Variants in SLC25A20 observed in about 807,000 individuals in gnomAD.
SLC25A20 encodes the protein mitochondrial carnitine/acylcarnitine carrier protein.
SLC25A20 carries 29 observed loss-of-function variants against 39.7 expected under a neutral mutation model. The ratio of observed to expected loss-of-function variants is 0.73; its 90% CI spans 0.54 to 1.00. The LOEUF is 1.00. Among genes scored for constraint, SLC25A20 ranks in the 50% least tolerant of loss-of-function variants. The probability of loss-of-function intolerance (pLI) is 0.00; values close to 1 mark genes in which losing one functional copy is unlikely to be tolerated. For missense variants in SLC25A20, 333 were observed against 379.9 expected (o/e 0.88, Z 1.03); for synonymous variants, 103 against 142.2 (o/e 0.72, Z 1.96).
chr3:48,873,283 G>A, intron 4 of SLC25A20, among the ~76,000 whole-genome samples: 1 of 151,888 alleles, frequency 6.6e-6, no homozygotes, highest in East Asian at 1.9e-4. Flanking sequence ...ACTTTGGGAG[G>A]CCAAGGCAGG....
intron 3 of SLC25A20, among the ~76,000 whole-genome samples, chr3:48,880,430 C>T (rs1367435762): frequency 6.6e-6 from 1 of 151,672 alleles, no homozygotes; most frequent in African/African-American, 2.4e-5. Context: ...GAACCTGCCA[C>T]CACACCCAGC....
At chr3:48,888,207 GAAAAAAAAAA>G (rs751937375) in intron 2 of SLC25A20, among the ~76,000 whole-genome samples, 1 of 44,242 alleles carries the variant, frequency 2.3e-5, no homozygotes, top group Non-Finnish European at 4.5e-5. Context: ...ACTCCATCTC[GAAAAAAAAAA>G]AAAAAAAAAA....
chr3:48,873,438 G>A (rs536463318), intron 4 of SLC25A20, among the ~76,000 whole-genome samples: 4 of 149,474 alleles, frequency 2.7e-5, no homozygotes, highest in Non-Finnish European at 5.9e-5. Flanking sequence ...GTGAAACCCC[G>A]TCTCTACTGC....
chr3:48,876,981 A>G, intron 4 of SLC25A20, among the ~76,000 whole-genome samples: 1 of 151,942 alleles, frequency 6.6e-6, no homozygotes, highest in Non-Finnish European at 1.5e-5. Flanking sequence ...CTGTAGTCCC[A>G]CCTACTAGGG....
Position 48,857,143 on chromosome 3 carries a change from A to C in SLC25A20, c.*567T>G, listed in dbSNP as rs2083585851. ...ATTATTTGCAGGCATAAAAAAAAAA[A>C]ATCAAAATCCAACGATTAACAGTCT... On this transcript the variant is annotated 3_prime_UTR_variant, in exon 9 of 9. Transcript: ENST00000319017. The C allele has an allele frequency of 6.4e-6, 1 of 155,068 alleles. No individual in the cohort carries two copies. The highest frequency in any genetic ancestry group is 1.4e-5 in the Non-Finnish European group (1 of 69,776). The allele number at this position is 155,068 out of a possible 1,614,324, so 9.6% of individuals were successfully genotyped here. A position where few individuals can be genotyped will look rare whatever the true frequency, so the allele number is the denominator to read the frequency against.
chr3:48,868,480 G>A (rs1342596034), intron 4 of SLC25A20, among the ~76,000 whole-genome samples: 1 of 152,024 alleles, frequency 6.6e-6, no homozygotes, highest in Non-Finnish European at 1.5e-5. Flanking sequence ...AAAAAACTCT[G>A]GATGTTATAT....
At chr3:48,859,470 C>T (rs765731514) in intron 6 of SLC25A20, 85 bp downstream of exon 6, 32 of 1,149,084 alleles carry the variant, frequency 2.8e-5, no homozygotes, top group Non-Finnish European at 4.2e-5. Context: ...GGAACAACAA[C>T]TACTTCTGCT....
In SLC25A20 at chr3:48,875,261, C is replaced by A. The variant is rs183028008; in HGVS notation, c.417+4097G>T. ...GGGATTACAGACGCCTGCTACCACA[C>A]CTGGCTAATTTTTGTATTTTTCGTA... On this transcript the variant is annotated intron_variant, in intron 4 of 8. Transcript: ENST00000319017. Among the ~76,000 whole-genome samples the A allele has an allele frequency of 1.1e-4, 16 of 151,660 alleles. No individual in the cohort carries two copies. In the East Asian group the frequency reaches 2.4e-3, roughly 22 times the overall value.
chr3:48,858,111 G>A (rs1267847395), intron 8 of SLC25A20, among the ~76,000 whole-genome samples: 1 of 151,944 alleles, frequency 6.6e-6, no homozygotes, highest in African/African-American at 2.4e-5. Context: ...GGGATTACAG[G>A]CACCCGCCAC....
intron 2 of SLC25A20, among the ~76,000 whole-genome samples, chr3:48,889,074 G>A (rs1464214388): frequency 6.7e-6 from 1 of 150,344 alleles, no homozygotes; most frequent in Non-Finnish European, 1.5e-5. Flanking sequence ...TGGACAACAA[G>A]AGCAAAACTC....
intron 6 of SLC25A20, 142 bp downstream of exon 6, chr3:48,859,413 G>T (rs2083605788): frequency 2.3e-6 from 2 of 867,818 alleles, no homozygotes; most frequent in Non-Finnish European, 4.0e-6. Flanking sequence ...AGTAAGAAGA[G>T]CTAGCTGGAC....
chr3:48,869,390 G>A, intron 4 of SLC25A20, among the ~76,000 whole-genome samples: 1 of 152,104 alleles, frequency 6.6e-6, no homozygotes, highest in Non-Finnish European at 1.5e-5. Context: ...GCTCACACCT[G>A]TACTCCCAGC....
intron 5 of SLC25A20, 83 bp downstream of exon 5, chr3:48,862,459 G>T: frequency 1.2e-6 from 1 of 841,656 alleles, no homozygotes; most frequent in Non-Finnish European, 2.1e-6. Flanking sequence ...AGGCTAATCT[G>T]GCAATCCAGG....
At chr3:48,896,699 G>A (rs1246678704) in intron 1 of SLC25A20, among the ~76,000 whole-genome samples, 1 of 150,688 alleles carries the variant, frequency 6.6e-6, no homozygotes, top group Non-Finnish European at 1.5e-5. Context: ...TGTATTTTTA[G>A]TAGAGATGGG....
intron 4 of SLC25A20, among the ~76,000 whole-genome samples, chr3:48,876,305 G>A (rs1451660249): frequency 6.6e-5 from 9 of 137,076 alleles, no homozygotes; most frequent in Admixed American, 4.6e-4. Context: ...TCGTGCCACT[G>A]ATCTCCAGCC....
At position 48,862,536 on chromosome 3, in the gene SLC25A20, G is replaced by A. The variant is rs199770033; in HGVS notation, c.535+6C>T. 2.5e-4 allele frequency: 395 copies of A among 1,598,344 alleles called. 4 individuals are homozygous for A. In the Middle Eastern group the frequency reaches 7.1e-3, roughly 29 times the overall value. On this transcript the variant is annotated splice_donor_region_variant and intron_variant, in intron 5 of 8. Coordinates refer to ENST00000319017, the MANE Select transcript of SLC25A20 (RefSeq NM_000387.6). ...GGTGACCTCAAGTGGAGGCCTGAAA[G>A]GTTACCTCGCATAAGGGTAAGCACA...
At chr3:48,864,894 T>C (rs1041333346) in intron 4 of SLC25A20, among the ~76,000 whole-genome samples, 3 of 152,038 alleles carry the variant, frequency 2.0e-5, no homozygotes, top group Non-Finnish European at 2.9e-5. Flanking sequence ...GCTCAACAGA[T>C]GGAATCTAAA....
chr3:48,890,796 A>G (rs2083867355), intron 2 of SLC25A20, among the ~76,000 whole-genome samples: 1 of 150,878 alleles, frequency 6.6e-6, no homozygotes, highest in South Asian at 2.1e-4. Context: ...CTGGGACTAC[A>G]GGTGCCCGCC....
intron 3 of SLC25A20, among the ~76,000 whole-genome samples, chr3:48,883,323 C>T (rs1173016460): frequency 2.6e-5 from 4 of 151,866 alleles, no homozygotes; most frequent in African/African-American, 4.8e-5. Context: ...GAGGCCGAGG[C>T]GGGTGGATCA....
Sources: gnomAD v4.1 joint callset for allele counts (sites outside exome capture counted in the v4.1 genomes callset) on GRCh38, gnomAD v4.1.1 for gene constraint, MANE v1.5 for transcripts, NCBI Gene and HGNC (gene_info 2026-07-23, HGNC 2026-07-21) for gene names.